Variants in CCDC73 observed in about 807,000 individuals in gnomAD.
The protein encoded by CCDC73 is coiled-coil domain-containing protein 73.
Under a neutral mutation model 116.5 loss-of-function variants are expected in CCDC73, and 95 were observed. The observed-to-expected ratio is 0.82, with a 90% confidence interval of 0.69 to 0.97. The LOEUF is 0.97. Among genes scored for constraint, CCDC73 ranks in the 50% least tolerant of loss-of-function variants. The pLI, the probability that CCDC73 is intolerant of heterozygous loss-of-function variation, is 0.00. For missense variants in CCDC73, 1,066 were observed against 1,206.8 expected (o/e 0.88, Z 1.73); for synonymous variants, 398 against 401.3 (o/e 0.99, Z 0.10).
At chr11:32,746,857 A>C (rs1394141035) in intron 2 of CCDC73, among the ~76,000 whole-genome samples, 7 of 152,062 alleles carry the variant, frequency 4.6e-5, no homozygotes, top group Non-Finnish European at 4.4e-5. Context: ...GCTTCCTTGC[A>C]ATGGGTCAGA....
intron 13 of CCDC73, among the ~76,000 whole-genome samples, chr11:32,639,886 T>G (rs1291375735): frequency 1.3e-5 from 2 of 152,254 alleles, no homozygotes; most frequent in African/African-American, 2.4e-5. Flanking sequence ...ATTTTTAATA[T>G]TTCAATGAAT....
At chr11:32,784,560 T>A (rs963997848) in intron 1 of CCDC73, among the ~76,000 whole-genome samples, 1 of 152,132 alleles carries the variant, frequency 6.6e-6, no homozygotes. Context: ...TGGGAAGGCA[T>A]TAGATAATGG....
chr11:32,800,704 C>G, the CCDC73 span, among the ~76,000 whole-genome samples: 1 of 152,184 alleles, frequency 6.6e-6, no homozygotes, highest in Non-Finnish European at 1.5e-5. Context: ...CTTTCCCTCT[C>G]TCTTATTCCT....
intron 1 of CCDC73, among the ~76,000 whole-genome samples, chr11:32,791,866 TGAG>T (rs1278947157): frequency 6.6e-6 from 1 of 152,038 alleles, no homozygotes; most frequent in Admixed American, 6.6e-5. Flanking sequence ...TTCAGGAGGC[TGAG>T]GTGAGGGATC....
At chr11:32,668,105 C>T (rs11031929) in intron 9 of CCDC73, among the ~76,000 whole-genome samples, 15,384 of 152,266 alleles carry the variant, frequency 0.1, 1,052 homozygotes, top group Non-Finnish European at 0.15. Context: ...ATTTGAGCAT[C>T]TACCACGTGC....
intron 2 of CCDC73, among the ~76,000 whole-genome samples, chr11:32,744,900 C>T (rs1454794002): frequency 6.6e-6 from 1 of 151,966 alleles, no homozygotes; most frequent in Non-Finnish European, 1.5e-5. Flanking sequence ...GTATCTCTAT[C>T]TCCTTCAGTT....
At chr11:32,793,129 T>C (rs1368729448) in intron 1 of CCDC73, among the ~76,000 whole-genome samples, 1 of 152,186 alleles carries the variant, frequency 6.6e-6, no homozygotes, top group African/African-American at 2.4e-5. Flanking sequence ...TATGAAGCCG[T>C]ATGGAAATTA....
intron 13 of CCDC73, among the ~76,000 whole-genome samples, chr11:32,639,712 G>A (rs1473946511): frequency 2.0e-5 from 3 of 152,100 alleles, no homozygotes; most frequent in Non-Finnish European, 4.4e-5. Flanking sequence ...GCCTCCCAAA[G>A]TGCTGGGATT....
chr11:32,762,885 G>A (rs759950117), intron 1 of CCDC73, among the ~76,000 whole-genome samples: 10 of 152,072 alleles, frequency 6.6e-5, no homozygotes, highest in Admixed American at 3.9e-4. Flanking sequence ...CTGGAAAATC[G>A]AGTCACTCCC....
chr11:32,649,866 A>T (rs536722462), intron 12 of CCDC73, among the ~76,000 whole-genome samples: 1 of 152,316 alleles, frequency 6.6e-6, no homozygotes, highest in East Asian at 1.9e-4. Flanking sequence ...TAATATCTTT[A>T]CTTACCAAAA....
At chr11:32,634,550 A>T (rs1855661270) in intron 14 of CCDC73, among the ~76,000 whole-genome samples, 1 of 152,230 alleles carries the variant, frequency 6.6e-6, no homozygotes, top group Admixed American at 6.5e-5. Flanking sequence ...ACATATAGCT[A>T]AAATGATAAG....
chr11:32,821,979 G>A, the CCDC73 span, among the ~76,000 whole-genome samples: 2 of 152,160 alleles, frequency 1.3e-5, no homozygotes, highest in Admixed American at 6.5e-5. Context: ...CAGGAAACCC[G>A]AAATGTTTCC....
At chr11:32,779,008 A>C (rs1333242514) in intron 1 of CCDC73, among the ~76,000 whole-genome samples, 1 of 152,138 alleles carries the variant, frequency 6.6e-6, no homozygotes, top group Non-Finnish European at 1.5e-5. Flanking sequence ...TAAGTAAATA[A>C]TCTCTGGGCC....
chr11:32,813,880 A>C, the CCDC73 span, among the ~76,000 whole-genome samples: 4 of 152,178 alleles, frequency 2.6e-5, no homozygotes, highest in African/African-American at 9.7e-5. Flanking sequence ...AGTTATTCTT[A>C]GCCTTTTACT....
intron 2 of CCDC73, 80 bp from the exon 3 acceptor site, chr11:32,718,227 T>C (rs142384620): frequency 1.9e-5 from 17 of 897,612 alleles, no homozygotes; most frequent in East Asian, 5.0e-5. Flanking sequence ...TGGAGAGATA[T>C]AGAAATAGCA....
chr11:32,793,593 G>T (rs1385761202), intron 1 of CCDC73, among the ~76,000 whole-genome samples: 2 of 149,362 alleles, frequency 1.3e-5, no homozygotes, highest in South Asian at 2.2e-4. Context: ...TTGCAGCAAT[G>T]ACATGAATAA....
chr11:32,703,073 G>A, intron 3 of CCDC73, 129 bp from the exon 4 acceptor site: 3 of 709,272 alleles, frequency 4.2e-6, no homozygotes, highest in Non-Finnish European at 7.5e-6. Flanking sequence ...TTCCTGGAAT[G>A]CAACTTTAAA....
the CCDC73 span, among the ~76,000 whole-genome samples, chr11:32,819,900 AATACATAC>A: frequency 6.6e-6 from 1 of 152,224 alleles, no homozygotes; most frequent in Non-Finnish European, 1.5e-5. Context: ...TAACCTGTAT[AATACATAC>A]ATATATGTAT....
intron 3 of CCDC73, among the ~76,000 whole-genome samples, chr11:32,705,371 T>G (rs1042819394): frequency 1.3e-5 from 2 of 152,264 alleles, no homozygotes; most frequent in South Asian, 4.2e-4. Flanking sequence ...TCCAAGCTTC[T>G]GGGCACCACC....
Sources: gnomAD v4.1 joint callset for allele counts (sites outside exome capture counted in the v4.1 genomes callset) on GRCh38, gnomAD v4.1.1 for gene constraint, MANE v1.5 for transcripts, NCBI Gene and HGNC (gene_info 2026-07-23, HGNC 2026-07-21) for gene names.